ACACA: variants seen among roughly 807,000 people sequenced by gnomAD.
ACACA encodes the protein acetyl-CoA carboxylase 1.
ACACA carries 103 observed loss-of-function variants against 296.1 expected under a neutral mutation model. The ratio of observed to expected loss-of-function variants is 0.35; its 90% CI spans 0.30 to 0.41. ACACA has a LOEUF of 0.41. ACACA is among the 10% of genes least tolerant of loss of function. The pLI is 1.00. For missense variants in ACACA, 1,554 were observed against 2,989.7 expected (o/e 0.52, Z 11.20); for synonymous variants, 953 against 1,038.6 (o/e 0.92, Z 1.58).
At chr17:37,167,990 C>T (rs1312745959) in intron 41 of ACACA, among the ~76,000 whole-genome samples, 2 of 152,132 alleles carry the variant, frequency 1.3e-5, no homozygotes, top group Non-Finnish European at 2.9e-5. Flanking sequence ...TGATGTAATA[C>T]TAAATTAGAA....
intron 3 of ACACA, among the ~76,000 whole-genome samples, chr17:37,292,237 G>A (rs1402756514): frequency 6.6e-6 from 1 of 152,124 alleles, no homozygotes; most frequent in East Asian, 1.9e-4. Context: ...AAGTAAAGCA[G>A]TAAGGGGCAA....
chr17:37,397,328 C>T (rs1290618305), intron 1 of ACACA, among the ~76,000 whole-genome samples: 1 of 151,982 alleles, frequency 6.6e-6, no homozygotes, highest in African/African-American at 2.4e-5. Context: ...TGCTTGAAGC[C>T]CAGTATCTGT....
rs781216866 is a variant in ACACA at position 37,252,119 on chromosome 17, GA to G, written c.1978-12del. The G allele has an allele frequency of 1.2e-6, 2 of 1,611,826 alleles. No individual in the cohort carries two copies. The highest frequency in any genetic ancestry group is 1.1e-5 in the South Asian group (1 of 91,040). ...GTCAGGTCGCTCAGCCTGAAAGGAG[GA>G]AAAAGAGGGCAGATCAAATGCATGG... On this transcript the variant is annotated splice_polypyrimidine_tract_variant and intron_variant, in intron 15 of 55. Transcript: ENST00000616317.
chr17:37,116,675 C>G (rs538283893), intron 50 of ACACA, among the ~76,000 whole-genome samples: 11 of 152,302 alleles, frequency 7.2e-5, no homozygotes, highest in African/African-American at 2.6e-4. Context: ...TAAACAAACA[C>G]ACAAATAAAC....
intron 10 of ACACA, among the ~76,000 whole-genome samples, chr17:37,267,618 T>C (rs556301080): frequency 6.6e-6 from 1 of 152,312 alleles, no homozygotes; most frequent in Non-Finnish European, 1.5e-5. Flanking sequence ...TGGAATGCAG[T>C]GGCATGACCA....
chr17:37,144,871 C>T (rs2075745925), intron 45 of ACACA, among the ~76,000 whole-genome samples: 1 of 151,996 alleles, frequency 6.6e-6, no homozygotes, highest in South Asian at 2.1e-4. Flanking sequence ...CACATATCAT[C>T]TCCTGGTGAA....
intron 3 of ACACA, among the ~76,000 whole-genome samples, chr17:37,317,022 C>T (rs1386303145): frequency 3.3e-5 from 5 of 149,748 alleles, no homozygotes; most frequent in African/African-American, 4.9e-5. Flanking sequence ...TGCAGTGAGC[C>T]GTGATCATGC....
chr17:37,089,237 C>T (rs2072442315), intron 54 of ACACA, among the ~76,000 whole-genome samples, 163 bp from the exon 55 acceptor site: 1 of 152,194 alleles, frequency 6.6e-6, no homozygotes, highest in South Asian at 2.1e-4. Context: ...GGCCTCGAGG[C>T]AGGAGCTGTG....
intron 41 of ACACA, among the ~76,000 whole-genome samples, chr17:37,174,692 C>T (rs1437403215): frequency 2.0e-5 from 3 of 152,022 alleles, no homozygotes; most frequent in Non-Finnish European, 4.4e-5. Context: ...GCCACCACGC[C>T]TGGCTAATTT....
chr17:37,376,100 C>T (rs1456438921), intron 1 of ACACA: 1 of 1,612,490 alleles, frequency 6.2e-7, no homozygotes, highest in East Asian at 2.2e-5. Context: ...AACATGGATA[C>T]CATCTTGGTC....
At chr17:37,162,529 C>T (rs981883182) in intron 41 of ACACA, 6 of 271,034 alleles carry the variant, frequency 2.2e-5, no homozygotes, top group Non-Finnish European at 4.3e-5. Context: ...TGGCTTGGTG[C>T]TCCCCTTTGA....
At chr17:37,250,771 A>C (rs2080949528) in intron 16 of ACACA, among the ~76,000 whole-genome samples, 1 of 152,216 alleles carries the variant, frequency 6.6e-6, no homozygotes, top group African/African-American at 2.4e-5. Context: ...CACGCCTGTA[A>C]TCCCAGCACT....
At chr17:37,289,297 G>T in intron 3 of ACACA, 1 of 411,640 alleles carries the variant, frequency 2.4e-6, no homozygotes, top group Non-Finnish European at 4.3e-6. Context: ...TCATTTAACT[G>T]TCCACATAAA....
At chr17:37,381,117 C>T (rs1282441125) in intron 1 of ACACA, among the ~76,000 whole-genome samples, 2 of 151,836 alleles carry the variant, frequency 1.3e-5, no homozygotes, top group Non-Finnish European at 2.9e-5. Context: ...GGTAACATAC[C>T]ATATACACTG....
intron 41 of ACACA, among the ~76,000 whole-genome samples, chr17:37,173,759 T>A (rs1311201217): frequency 6.6e-6 from 1 of 150,700 alleles, no homozygotes; most frequent in African/African-American, 2.4e-5. Context: ...TCCCTACCAT[T>A]TCACCCCTGA....
chr17:37,292,811 C>G (rs1414874500), intron 3 of ACACA, among the ~76,000 whole-genome samples: 1 of 152,234 alleles, frequency 6.6e-6, no homozygotes, highest in Admixed American at 6.5e-5. Context: ...TTGCAGTGAG[C>G]TGAGAGCGCA....
At chr17:37,144,332 T>C in intron 45 of ACACA, 1 of 517,002 alleles carries the variant, frequency 1.9e-6, no homozygotes. Flanking sequence ...AGTCACCCAG[T>C]GCCTGTCTGG....
chr17:37,170,675 T>G (rs189740817), intron 41 of ACACA, among the ~76,000 whole-genome samples: 1 of 152,308 alleles, frequency 6.6e-6, no homozygotes, highest in South Asian at 2.1e-4. Context: ...CTATAACAGA[T>G]AGTGAAAACA....
chr17:37,238,930 A>G (rs1214065423), intron 24 of ACACA, among the ~76,000 whole-genome samples: 3 of 152,156 alleles, frequency 2.0e-5, no homozygotes, highest in African/African-American at 7.2e-5. Flanking sequence ...GGGCTCAGGC[A>G]ATCCTCTTGT....
Sources: allele counts gnomAD v4.1 joint callset (sites outside exome capture counted in the v4.1 genomes callset), GRCh38; gene constraint gnomAD v4.1.1; transcripts MANE v1.5; gene names NCBI Gene and HGNC (gene_info 2026-07-23, HGNC 2026-07-21).